The following CSNK1G3 variants were observed in gnomAD, a reference collection of about 807,000 sequenced individuals.
CSNK1G3 encodes casein kinase 1 gamma 3, also known as casein kinase I isoform gamma-3.
Under a neutral mutation model 64.3 loss-of-function variants are expected in CSNK1G3, and 23 were observed. The observed-to-expected ratio is 0.36, with a 90% CI of 0.26 to 0.51. The LOEUF (loss-of-function observed/expected upper bound fraction) is 0.51, where lower values mean the gene tolerates loss of function less well. Among genes scored for constraint, CSNK1G3 ranks in the 20% least tolerant of loss-of-function variants. The pLI is 0.96. For synonymous variants in CSNK1G3, 158 were observed against 162.2 expected, an observed-to-expected ratio of 0.97 and a Z score of 0.20; for missense variants, 357 against 510.5, an observed-to-expected ratio of 0.70 and a Z score of 2.90.
At chr5:123,516,937 GA>G (rs1240793888) in intron 1 of CSNK1G3, among the ~76,000 whole-genome samples, 7 of 151,742 alleles carry the variant, frequency 4.6e-5, no homozygotes, top group Non-Finnish European at 1.0e-4. Flanking sequence ...GCTACATTTG[GA>G]AAAAAAGGGA....
intron 4 of CSNK1G3, among the ~76,000 whole-genome samples, chr5:123,561,203 G>T (rs4490576): frequency 0.6 from 91,230 of 151,900 alleles, 28,560 homozygotes; most frequent in African/African-American, 0.78. Context: ...TCACTCTCTG[G>T]GATAGCAAAA....
intron 1 of CSNK1G3, among the ~76,000 whole-genome samples, chr5:123,525,508 T>C (rs1006364845): frequency 5.9e-5 from 9 of 151,992 alleles, no homozygotes; most frequent in Non-Finnish European, 1.2e-4. Flanking sequence ...TGACCAGGCT[T>C]GGTCTCAACT....
At chr5:123,579,293 T>G (rs913331543) in intron 6 of CSNK1G3, among the ~76,000 whole-genome samples, 1 of 296 alleles carries the variant, frequency 3.4e-3, no homozygotes, top group East Asian at 0.5. Flanking sequence ...AATTTGCTGT[T>G]TTTTTTTTTT....
At chr5:123,613,156 G>A (rs750850490) in intron 12 of CSNK1G3, among the ~76,000 whole-genome samples, 10 of 151,786 alleles carry the variant, frequency 6.6e-5, no homozygotes, top group Non-Finnish European at 1.0e-4. Flanking sequence ...GGATTGTGAG[G>A]CATTTAAGAT....
At chr5:123,577,511 T>G (rs1192482679) in intron 6 of CSNK1G3, among the ~76,000 whole-genome samples, 1 of 151,638 alleles carries the variant, frequency 6.6e-6, no homozygotes, top group Non-Finnish European at 1.5e-5. Flanking sequence ...AGTATTTCCC[T>G]TTTCTATATT....
chr5:123,517,070 C>A (rs1777298216), intron 1 of CSNK1G3, among the ~76,000 whole-genome samples: 1 of 152,150 alleles, frequency 6.6e-6, no homozygotes, highest in Non-Finnish European at 1.5e-5. Context: ...TTCTGTCCTT[C>A]ATTTCAGAAG....
intron 7 of CSNK1G3, 24 bp from the exon 8 acceptor site, chr5:123,588,403 C>G: frequency 6.4e-7 from 1 of 1,564,226 alleles, no homozygotes. Flanking sequence ...ACCACATTCT[C>G]AAGATTTTTT....
At chr5:123,550,602 C>T (rs1270456853) in intron 2 of CSNK1G3, among the ~76,000 whole-genome samples, 1 of 152,122 alleles carries the variant, frequency 6.6e-6, no homozygotes, top group East Asian at 1.9e-4. Context: ...TTGATAATTA[C>T]CACCCCAAAG....
intron 10 of CSNK1G3, among the ~76,000 whole-genome samples, chr5:123,600,056 A>G (rs1794172719): frequency 6.6e-6 from 1 of 151,720 alleles, no homozygotes; most frequent in Admixed American, 6.6e-5. Flanking sequence ...AGTCTTTAGG[A>G]TATGTAAATA....
chr5:123,519,607 G>A (rs564327625), intron 1 of CSNK1G3, among the ~76,000 whole-genome samples: 1 of 152,224 alleles, frequency 6.6e-6, no homozygotes, highest in Non-Finnish European at 1.5e-5. Context: ...ATATCTAGGG[G>A]AGAATAAGTG....
intron 1 of CSNK1G3, among the ~76,000 whole-genome samples, chr5:123,528,204 G>A (rs1353457598): frequency 6.6e-6 from 1 of 152,044 alleles, no homozygotes; most frequent in Non-Finnish European, 1.5e-5. Context: ...CTGGCTCATA[G>A]CTTTGTTTTG....
intron 1 of CSNK1G3, among the ~76,000 whole-genome samples, chr5:123,531,884 G>A (rs560211367): frequency 6.6e-6 from 1 of 151,714 alleles, no homozygotes; most frequent in African/African-American, 2.4e-5. Context: ...GTAAGCAGGG[G>A]GTATTTCTGT....
At chr5:123,581,561 A>C (rs1374544050) in intron 6 of CSNK1G3, among the ~76,000 whole-genome samples, 2 of 151,730 alleles carry the variant, frequency 1.3e-5, no homozygotes, top group Non-Finnish European at 2.9e-5. Context: ...AAGTGAATGC[A>C]TGTACTGGGT....
intron 1 of CSNK1G3, among the ~76,000 whole-genome samples, chr5:123,524,349 CTTT>C (rs765360525): frequency 1.3e-5 from 2 of 152,156 alleles, no homozygotes; most frequent in East Asian, 3.8e-4. Flanking sequence ...ATCAAACACT[CTTT>C]TTAGTCCTTG....
exon 13 of CSNK1G3, chr5:123,614,466 CT>C: frequency 7.6e-7 from 1 of 1,319,204 alleles, no homozygotes. Flanking sequence ...AAAATCATCT[CT>C]GTAGTGACCA....
chr5:123,604,228 C>T (rs950647409), intron 10 of CSNK1G3, among the ~76,000 whole-genome samples: 1 of 152,040 alleles, frequency 6.6e-6, no homozygotes, highest in Non-Finnish European at 1.5e-5. Flanking sequence ...TACGTTTGAA[C>T]AACTGGGTGA....
intron 9 of CSNK1G3, 32 bp downstream of exon 9, chr5:123,590,590 C>T: frequency 2.3e-6 from 3 of 1,314,968 alleles, no homozygotes; most frequent in Non-Finnish European, 3.1e-6. Context: ...ATATTACTTA[C>T]AGTATCTGTT....
exon 6 of CSNK1G3, chr5:123,575,866 T>C (rs1248091019): frequency 6.2e-7 from 1 of 1,613,626 alleles, no homozygotes; most frequent in African/African-American, 1.3e-5. Flanking sequence ...CAAAGGAATA[T>C]ATTGATCCGG....
intron 12 of CSNK1G3, 112 bp downstream of exon 13, chr5:123,605,474 G>C (rs1299936336): frequency 8.8e-7 from 1 of 1,136,042 alleles, no homozygotes; most frequent in East Asian, 2.4e-5. Context: ...GATTATAATT[G>C]GTAAAAGTTA....
Sources: allele counts gnomAD v4.1 joint callset (sites outside exome capture counted in the v4.1 genomes callset), GRCh38; gene constraint gnomAD v4.1.1; transcripts MANE v1.5; gene names NCBI Gene and HGNC (gene_info 2026-07-23, HGNC 2026-07-21).